Variants in SHANK2 observed in about 807,000 individuals in gnomAD.
SHANK2 encodes SH3 and multiple ankyrin repeat domains 2.
SHANK2 carries 43 observed loss-of-function variants against 133.7 expected under a neutral mutation model. The ratio of observed to expected loss-of-function variants is 0.32; its 90% CI spans 0.25 to 0.41. The LOEUF (loss-of-function observed/expected upper bound fraction) is 0.41, where lower values mean the gene tolerates loss of function less well. SHANK2 is among the 10% of genes least tolerant of loss of function. The pLI, the probability that SHANK2 is intolerant of heterozygous loss-of-function variation, is 1.00. For missense variants in SHANK2, 1,994 were observed against 2,235.8 expected, an observed-to-expected ratio of 0.89 and a Z score of 2.18; for synonymous variants, 1,017 against 952.8, an observed-to-expected ratio of 1.07 and a Z score of -1.24.
At chr11:70,660,712 C>T (rs1475850579) in intron 16 of SHANK2, among the ~76,000 whole-genome samples, 6 of 152,314 alleles carry the variant, frequency 3.9e-5, no homozygotes, top group South Asian at 2.1e-4. Flanking sequence ...CACAGACAGG[C>T]GTGGATGCTC....
chr11:70,567,641 A>G (rs2059984643), intron 17 of SHANK2, among the ~76,000 whole-genome samples: 1 of 152,196 alleles, frequency 6.6e-6, no homozygotes, highest in East Asian at 1.9e-4. Flanking sequence ...AAAGAAAAAA[A>G]AAAAAAGAAC....
chr11:71,245,584 A>T (rs1419580073), intron 1 of SHANK2, among the ~76,000 whole-genome samples: 3 of 152,218 alleles, frequency 2.0e-5, no homozygotes, highest in African/African-American at 7.2e-5. Flanking sequence ...GGCAATCTGG[A>T]GGCCGGGGAA....
chr11:70,908,056 G>A (rs1406890750), intron 10 of SHANK2: 5 of 381,486 alleles, frequency 1.3e-5, no homozygotes, highest in African/African-American at 6.3e-5. Flanking sequence ...AGCCGGGATC[G>A]TGCCATTGCA....
intron 15 of SHANK2, among the ~76,000 whole-genome samples, chr11:70,695,269 A>G (rs1436418715): frequency 9.2e-5 from 14 of 152,116 alleles, no homozygotes; most frequent in African/African-American, 3.4e-4. Flanking sequence ...ATGTCTTAAT[A>G]CCACTAGACT....
intron 14 of SHANK2, among the ~76,000 whole-genome samples, chr11:70,741,567 A>G (rs1946527457): frequency 1.3e-5 from 2 of 152,166 alleles, no homozygotes; most frequent in Non-Finnish European, 2.9e-5. Context: ...TCTTGGAGGT[A>G]CTGCCTACTC....
rs1272106612 is a variant in SHANK2 at position 70,535,991 on chromosome 11, G to A, written c.2062-33060C>T. Among the ~76,000 whole-genome samples the A allele has an allele frequency of 2.0e-5, 3 of 151,658 alleles. No individual in the cohort carries two copies. The highest frequency in any genetic ancestry group is 7.3e-5 in the African/African-American group (3 of 40,906). ...GGGCTGCGTGGGGGCTGGGCCTGAA[G>A]CCAGACCAGCCCTACAGGGCCCAAC... On this transcript the variant is annotated intron_variant, in intron 17 of 25. Transcript: ENST00000601538. This position sits in a 1 kb window ranked among gnomAD's most constrained non-coding sequence, Gnocchi z 4.3.
At chr11:70,588,294 T>C (rs1402741315) in intron 17 of SHANK2, among the ~76,000 whole-genome samples, 2 of 152,220 alleles carry the variant, frequency 1.3e-5, no homozygotes, top group Non-Finnish European at 2.9e-5. Context: ...GAAGAGTCAC[T>C]CATCTTTCAC....
At chr11:70,593,320 AG>A (rs1217156320) in intron 17 of SHANK2, among the ~76,000 whole-genome samples, 2 of 152,238 alleles carry the variant, frequency 1.3e-5, no homozygotes, top group Non-Finnish European at 2.9e-5. Flanking sequence ...CAGTGAATGA[AG>A]GTAGGATATA....
At chr11:70,766,311 T>G (rs79536227) in intron 14 of SHANK2, among the ~76,000 whole-genome samples, 3,407 of 152,338 alleles carry the variant, frequency 0.022, 66 homozygotes, top group Non-Finnish European at 0.031. Context: ...CTCTGTCTTC[T>G]TTAATATGAC....
intron 9 of SHANK2, among the ~76,000 whole-genome samples, chr11:71,071,558 A>G (rs1951141713): frequency 6.6e-6 from 1 of 152,262 alleles, no homozygotes. Context: ...TATGTCTCAC[A>G]AAGGGCTGCA....
chr11:70,890,989 C>T (rs543926821), intron 11 of SHANK2, among the ~76,000 whole-genome samples: 4 of 151,528 alleles, frequency 2.6e-5, no homozygotes, highest in Admixed American at 2.0e-4. Context: ...AGAGTTGTCA[C>T]GGGAAGATGG....
intron 3 of SHANK2, among the ~76,000 whole-genome samples, chr11:71,126,216 CAAAAAAAAAAAAA>C: frequency 1.6e-5 from 1 of 64,438 alleles, no homozygotes; most frequent in East Asian, 6.3e-4. Flanking sequence ...GACTCCGTCT[CAAAAAAAAAAAAA>C]AAAAAAAAAA....
chr11:70,625,810 GAAAAAAAAA>G (rs34147403), intron 17 of SHANK2, among the ~76,000 whole-genome samples: 4 of 41,384 alleles, frequency 9.7e-5, no homozygotes, highest in African/African-American at 3.3e-4. Flanking sequence ...GTGCAAAAAT[GAAAAAAAAA>G]AAAAAAAAAA....
intron 3 of SHANK2, among the ~76,000 whole-genome samples, chr11:71,140,165 G>A (rs1352278758): frequency 1.3e-5 from 2 of 152,204 alleles, no homozygotes; most frequent in South Asian, 2.1e-4. Context: ...GCTCACACCC[G>A]GGGGATTTCT....
chr11:71,098,164 TGCATGC>T (rs1483630130), intron 6 of SHANK2, among the ~76,000 whole-genome samples: 3 of 150,954 alleles, frequency 2.0e-5, no homozygotes, highest in Non-Finnish European at 3.0e-5. Flanking sequence ...TGTGTGCATG[TGCATGC>T]CTGTGTGCAT....
intron 10 of SHANK2, among the ~76,000 whole-genome samples, chr11:70,899,075 T>C (rs1949985974): frequency 6.6e-6 from 1 of 152,206 alleles, no homozygotes; most frequent in African/African-American, 2.4e-5. Context: ...AACAGTTAGA[T>C]GGTCTCTGCC....
At chr11:70,589,357 C>T (rs1407447875) in intron 17 of SHANK2, among the ~76,000 whole-genome samples, 1 of 151,980 alleles carries the variant, frequency 6.6e-6, no homozygotes, top group Non-Finnish European at 1.5e-5. Flanking sequence ...GCCTGGATGA[C>T]AGCATATCTG....
intron 17 of SHANK2, among the ~76,000 whole-genome samples, chr11:70,640,631 G>T (rs2061166605): frequency 6.6e-6 from 1 of 152,262 alleles, no homozygotes; most frequent in Admixed American, 6.5e-5. Context: ...TCACAGGCAT[G>T]TGCTGGAGCT....
At chr11:70,800,225 T>C (rs1164850019) in intron 13 of SHANK2, among the ~76,000 whole-genome samples, 2 of 152,128 alleles carry the variant, frequency 1.3e-5, no homozygotes, top group Non-Finnish European at 2.9e-5. Context: ...AGGGTCTCAC[T>C]ATGTTGCCCA....
Sources: gnomAD v4.1 joint callset for allele counts (sites outside exome capture counted in the v4.1 genomes callset) on GRCh38, gnomAD v4.1.1 for gene constraint, Gnocchi (gnomAD v3.1) non-coding constraint, MANE v1.5 for transcripts, NCBI Gene and HGNC (gene_info 2026-07-23, HGNC 2026-07-21) for gene names.